OXCT1: variants seen among roughly 807,000 people sequenced by gnomAD.
OXCT1 encodes the protein 3-oxoacid CoA-transferase 1, also known as succinyl-CoA:3-ketoacid coenzyme A transferase 1, mitochondrial.
OXCT1 carries 27 observed loss-of-function variants against 69.6 expected under a neutral mutation model. The ratio of observed to expected loss-of-function variants is 0.39; its 90% confidence interval spans 0.29 to 0.54. The LOEUF is 0.54. Ranked by LOEUF, OXCT1 falls within the 20% of genes least tolerant of loss-of-function variation. The probability of loss-of-function intolerance (pLI) is 0.72; values close to 1 mark genes in which losing one functional copy is unlikely to be tolerated. For missense variants in OXCT1, 437 were observed against 650.2 expected (o/e 0.67, Z 3.57); for synonymous variants, 202 against 217.8 (o/e 0.93, Z 0.64).
chr5:41,741,624 T>C lies in OXCT1; in HGVS notation c.1420-2133A>G, dbSNP rs145547812. 5.1e-4 allele frequency among the ~76,000 whole-genome samples: 78 copies of C among 152,296 alleles called. No individual in the cohort carries two copies. In the East Asian group the frequency reaches 8.5e-3, roughly 17 times the overall value. ...CCAGATCAAAGCCCTGGAATGATTA[T>C]TGACTCCAGCTGATTAATATTTTTC... is the stretch of plus-strand genomic sequence containing the variant. On this transcript the variant is annotated intron_variant, in intron 15 of 16. Transcript: ENST00000196371.
intron 11 of OXCT1, among the ~76,000 whole-genome samples, chr5:41,795,349 C>A (rs1746129320): frequency 6.6e-6 from 1 of 152,046 alleles, no homozygotes; most frequent in Admixed American, 6.6e-5. Context: ...GGGTTAGGGA[C>A]CCCTGTTCTA....
At position 41,812,789 on chromosome 5, in the gene OXCT1, T is replaced by C. The variant is rs140967953; in HGVS notation, c.733-5351A>G. 4.7e-3 allele frequency among the ~76,000 whole-genome samples: 714 copies of C among 152,118 alleles called. 4 individuals carry two copies. The highest frequency in any genetic ancestry group is 0.014 in the Middle Eastern group (4 of 294). ...GAAGAAATTCAATTCCAAGAAGAGCTACCCAGATTCTCTGTACTAATACTA... is the reference window on the plus strand; with the variant it reads ...GAAGAAATTCAATTCCAAGAAGAGCCACCCAGATTCTCTGTACTAATACTA... On this transcript the variant is annotated intron_variant, in intron 7 of 16. Coordinates refer to ENST00000196371, the MANE Select transcript of OXCT1 (RefSeq NM_000436.4).
intron 5 of OXCT1, among the ~76,000 whole-genome samples, chr5:41,848,539 C>A (rs1257106983): frequency 6.9e-6 from 1 of 145,564 alleles, no homozygotes; most frequent in East Asian, 1.9e-4. Flanking sequence ...AACTATACTA[C>A]AAGGCTACAG....
At chr5:41,810,468 C>T (rs1746916931) in intron 7 of OXCT1, among the ~76,000 whole-genome samples, 1 of 152,042 alleles carries the variant, frequency 6.6e-6, no homozygotes, top group African/African-American at 2.4e-5. Context: ...CGGACTTCTC[C>T]ATGGCACTAT....
chr5:41,742,545 A>G (rs1001163930), intron 15 of OXCT1, among the ~76,000 whole-genome samples: 1 of 152,162 alleles, frequency 6.6e-6, no homozygotes, highest in South Asian at 2.1e-4. Flanking sequence ...GGTTTGTTAC[A>G]TATGTATGCA....
rs796669956 is a variant in OXCT1, at chr5:41,736,533, T to C, written c.1521+2857A>G. On this transcript the variant is annotated intron_variant, in intron 16 of 16. Transcript: ENST00000196371. Reference sequence around the variant, plus strand: ...TCTTTTTTTTAACAGTGCCCAAATATTTCACTATCATTCTTTTTTGATATC... The same window carrying C: ...TCTTTTTTTTAACAGTGCCCAAATACTTCACTATCATTCTTTTTTGATATC... Among the ~76,000 whole-genome samples the C allele has an allele frequency of 1.9e-4, 29 of 152,328 alleles. 1 individual carries two copies. Among genetic ancestry groups the C allele is most frequent in the African/African-American group, 7.0e-4 (29 of 41,574 alleles).
intron 3 of OXCT1, among the ~76,000 whole-genome samples, chr5:41,856,460 C>T (rs1343782294): frequency 6.6e-6 from 1 of 152,076 alleles, no homozygotes; most frequent in African/African-American, 2.4e-5. Context: ...ACCTGTTCTC[C>T]CAACTTCATT....
rs115213771 is a variant in OXCT1, at chr5:41,858,159, G to A, written c.278+3155C>T. Among the ~76,000 whole-genome samples the A allele has an allele frequency of 3.1e-3, 476 of 152,180 alleles. 4 individuals are homozygous for A. The highest frequency in any genetic ancestry group is 0.011 in the African/African-American group (451 of 41,508). The stretch of plus-strand genomic sequence containing the variant: ...ATAGCAATCAAGCAGTGCATAAGAC[G>A]CTAGCCCCAGGTGCACTACCTGACC... On this transcript the variant is annotated intron_variant, in intron 3 of 16. Transcript: ENST00000196371.
chr5:41,794,283 T>G (rs561474905), intron 12 of OXCT1: 6 of 620,668 alleles, frequency 9.7e-6, no homozygotes, highest in Admixed American at 2.9e-5. Context: ...CAGTATACAT[T>G]GTTTCAATAA....
intron 7 of OXCT1, among the ~76,000 whole-genome samples, chr5:41,814,626 C>CA (rs1054608588): frequency 1.2e-4 from 18 of 147,978 alleles, no homozygotes; most frequent in African/African-American, 4.2e-4. Flanking sequence ...ATCGCAAGAA[C>CA]AAAAAACCAA....
intron 15 of OXCT1, among the ~76,000 whole-genome samples, chr5:41,744,833 T>C (rs373511492): frequency 0.014 from 2,055 of 152,162 alleles, 99 homozygotes; most frequent in South Asian, 0.079. Flanking sequence ...AGAAGGCCAT[T>C]ACATAATGGT....
chr5:41,839,419 A>G (rs1490165778), intron 7 of OXCT1, among the ~76,000 whole-genome samples: 1 of 152,206 alleles, frequency 6.6e-6, no homozygotes, highest in Non-Finnish European at 1.5e-5. Flanking sequence ...TGCCACGGAC[A>G]GGTCATTAAG....
At chr5:41,802,951 A>C (rs938669611) in intron 10 of OXCT1, 118 bp downstream of exon 10, 4 of 745,764 alleles carry the variant, frequency 5.4e-6, no homozygotes, top group African/African-American at 5.4e-5. Flanking sequence ...CCATGTAACC[A>C]AAAATCACTT....
At chr5:41,759,052 G>A (rs1284681503) in intron 14 of OXCT1, among the ~76,000 whole-genome samples, 6 of 149,072 alleles carry the variant, frequency 4.0e-5, no homozygotes, top group Non-Finnish European at 7.4e-5. Context: ...GCTGATGTAA[G>A]TCTCACCTAA....
intron 4 of OXCT1, among the ~76,000 whole-genome samples, 157 bp from the exon 5 acceptor site, chr5:41,850,336 A>T (rs540610593): frequency 1.3e-5 from 2 of 152,200 alleles, no homozygotes; most frequent in Non-Finnish European, 2.9e-5. Flanking sequence ...GTATGCTAGA[A>T]GATCAATTTT....
intron 11 of OXCT1, among the ~76,000 whole-genome samples, chr5:41,798,301 T>G (rs1052450244): frequency 6.6e-6 from 1 of 152,230 alleles, no homozygotes; most frequent in Admixed American, 6.5e-5. Flanking sequence ...TGCCATGTTA[T>G]CTGTACTTTA....
chr5:41,838,513 A>G (rs1748479558), intron 7 of OXCT1, among the ~76,000 whole-genome samples: 1 of 152,198 alleles, frequency 6.6e-6, no homozygotes, highest in Non-Finnish European at 1.5e-5. Context: ...TGTCCAATAA[A>G]ACTTCCTGCA....
At chr5:41,735,108 A>C (rs768547070) in intron 16 of OXCT1, among the ~76,000 whole-genome samples, 16 of 152,222 alleles carry the variant, frequency 1.1e-4, no homozygotes, top group Non-Finnish European at 1.9e-4. Flanking sequence ...TATCTAAAAA[A>C]TTTCAAAGCA....
intron 13 of OXCT1, among the ~76,000 whole-genome samples, chr5:41,789,304 G>C (rs187870257): frequency 6.6e-6 from 1 of 152,290 alleles, no homozygotes; most frequent in Admixed American, 6.5e-5. Flanking sequence ...TAGGCAGTGG[G>C]CCAGATTTGG....
Sources: allele counts gnomAD v4.1 joint callset (sites outside exome capture counted in the v4.1 genomes callset), GRCh38; gene constraint gnomAD v4.1.1; transcripts MANE v1.5; gene names NCBI Gene and HGNC (gene_info 2026-07-23, HGNC 2026-07-21).